Variants in MAPRE3 observed in about 807,000 individuals in gnomAD.
The protein encoded by MAPRE3 is microtubule-associated protein RP/EB family member 3.
MAPRE3 carries 2 observed loss-of-function variants against 30.5 expected under a neutral mutation model. That is an observed-to-expected ratio of 0.07 (90% CI 0.03 to 0.21). MAPRE3 has a LOEUF of 0.21. MAPRE3 is among the 10% of genes least tolerant of loss of function. MAPRE3 has a pLI of 1.00. For synonymous variants in MAPRE3, 110 were observed against 127.7 expected (o/e 0.86, Z 0.93); for missense variants, 204 against 351.8 (o/e 0.58, Z 3.36).
chr2:26,979,475 A>G (rs2148197471), intron 1 of MAPRE3, among the ~76,000 whole-genome samples: 1 of 152,342 alleles, frequency 6.6e-6, no homozygotes, highest in Non-Finnish European at 1.5e-5. Context: ...AGTCCCAGCT[A>G]CTAGGGAAGC....
rs1162090701 is a variant in MAPRE3 at position 27,015,342 on chromosome 2, A to G, written c.-7-6870A>G. Reference sequence around the variant, plus strand: ...TGAGGTGGGAGCTGTCACTGTCCTCACTTTATAGATGAGGACACTGAGACC... The same window carrying G: ...TGAGGTGGGAGCTGTCACTGTCCTCGCTTTATAGATGAGGACACTGAGACC... On this transcript the variant is annotated intron_variant, in intron 1 of 6. Coordinates refer to ENST00000233121, the MANE Select transcript of MAPRE3 (RefSeq NM_012326.4). This position sits in a 1 kb window ranked among gnomAD's most constrained non-coding sequence, Gnocchi z 4.0. 6.6e-6 allele frequency among the ~76,000 whole-genome samples: 1 copy of G among 152,194 alleles called. No homozygotes were observed. The highest frequency in any genetic ancestry group is 2.4e-5 in the African/African-American group (1 of 41,446).
rs779396016 is a variant in MAPRE3, at chr2:27,025,864, C to G, written c.625-16C>G. On this transcript the variant is annotated splice_polypyrimidine_tract_variant and intron_variant, in intron 5 of 6. Transcript: ENST00000233121. ...GTGGGGACCTCTGGCTTGAACATCA[C>G]TTTGTCCCCAAGCAGCTGGTGGACT... The G allele has an allele frequency of 2.5e-6, 4 of 1,613,996 alleles. No individual in the cohort carries two copies. The highest frequency in any genetic ancestry group is 1.7e-5 in the Admixed American group (1 of 59,992).
intron 1 of MAPRE3, among the ~76,000 whole-genome samples, chr2:27,001,228 G>T (rs1016044242): frequency 7.9e-5 from 12 of 152,198 alleles, no homozygotes; most frequent in African/African-American, 2.7e-4. Flanking sequence ...AGATGGTATT[G>T]CCTACTACAT....
intron 1 of MAPRE3, chr2:27,003,093 A>G (rs1028734880): frequency 1.3e-5 from 2 of 152,304 alleles, no homozygotes; most frequent in Admixed American, 1.3e-4. Flanking sequence ...AGTGATCCCT[A>G]TGCATCAACA....
chr2:26,971,576 GTGTGGTGT>G (rs1362212749), intron 1 of MAPRE3, among the ~76,000 whole-genome samples: 22 of 152,170 alleles, frequency 1.4e-4, no homozygotes, highest in African/African-American at 5.3e-4. Context: ...TGCGCTTCCG[GTGTGGTGT>G]TGTGAATAAG....
At chr2:26,995,097 T>C (rs1214191091) in intron 1 of MAPRE3, among the ~76,000 whole-genome samples, 5 of 152,186 alleles carry the variant, frequency 3.3e-5, no homozygotes, top group African/African-American at 4.8e-5. Flanking sequence ...TATTGTATGC[T>C]TTGCTGGCCA....
intron 1 of MAPRE3, 39 bp from the exon 2 acceptor site, chr2:27,022,173 G>T (rs1176544484): frequency 1.2e-6 from 2 of 1,604,066 alleles, no homozygotes; most frequent in African/African-American, 2.7e-5. Flanking sequence ...AGCTACATGA[G>T]GCCCCAGTGC....
At chr2:26,989,254 C>T (rs986533122) in intron 1 of MAPRE3, among the ~76,000 whole-genome samples, 12 of 152,152 alleles carry the variant, frequency 7.9e-5, no homozygotes, top group African/African-American at 1.2e-4. Flanking sequence ...CAGAAACACC[C>T]GCTAGGCTCC....
intron 1 of MAPRE3, among the ~76,000 whole-genome samples, chr2:26,997,941 C>A (rs1473750028): frequency 2.0e-5 from 3 of 152,202 alleles, no homozygotes; most frequent in African/African-American, 7.2e-5. Flanking sequence ...TGGTTCTTGA[C>A]CCCGATAGGG....
chr2:27,001,574 C>G (rs561414149), intron 1 of MAPRE3, among the ~76,000 whole-genome samples: 1 of 152,088 alleles, frequency 6.6e-6, no homozygotes, highest in African/African-American at 2.4e-5. Context: ...GTACGTAGAT[C>G]TAAACATAGA....
At chr2:26,992,226 A>C (rs566835633) in intron 1 of MAPRE3, among the ~76,000 whole-genome samples, 1 of 123,196 alleles carries the variant, frequency 8.1e-6, no homozygotes, top group African/African-American at 2.9e-5. Context: ...ATGTTACCAG[A>C]TAATTTTTTT....
intron 1 of MAPRE3, among the ~76,000 whole-genome samples, chr2:27,006,174 C>T (rs1572760936): frequency 6.6e-6 from 1 of 151,832 alleles, no homozygotes; most frequent in African/African-American, 2.4e-5. Context: ...AGAGCGAGAC[C>T]CCGTCTCAAA....
At chr2:27,023,998 CAGGGGCTGG>C in intron 3 of MAPRE3, 89 bp from the exon 4 acceptor site, 1 of 917,228 alleles carries the variant, frequency 1.1e-6, no homozygotes, top group Non-Finnish European at 1.7e-6. Context: ...CGCTGCAGCC[CAGGGGCTGG>C]CTTTCCTGAG....
intron 1 of MAPRE3, chr2:27,013,796 T>C (rs975038662): frequency 6.6e-6 from 1 of 152,242 alleles, no homozygotes; most frequent in African/African-American, 2.4e-5. Flanking sequence ...GGAAAGAAGA[T>C]GTTGAGTCAG....
intron 1 of MAPRE3, among the ~76,000 whole-genome samples, chr2:26,971,926 C>T (rs1006854671): frequency 6.6e-6 from 1 of 152,268 alleles, no homozygotes; most frequent in Non-Finnish European, 1.5e-5. Context: ...CATATTTGGA[C>T]AATTCCCTGG....
At chr2:27,010,260 C>A (rs986206250) in intron 1 of MAPRE3, among the ~76,000 whole-genome samples, 1 of 152,112 alleles carries the variant, frequency 6.6e-6, no homozygotes, top group African/African-American at 2.4e-5. Context: ...AAACACATTT[C>A]TTATCTTGCT....
At chr2:27,016,929 C>T (rs1667002082) in intron 1 of MAPRE3, among the ~76,000 whole-genome samples, 1 of 152,042 alleles carries the variant, frequency 6.6e-6, no homozygotes, top group Non-Finnish European at 1.5e-5. Flanking sequence ...CCAGGCCCCT[C>T]AGCCAGCCCA....
intron 4 of MAPRE3, 34 bp downstream of exon 4, chr2:27,024,331 G>C: frequency 6.3e-7 from 1 of 1,595,112 alleles, no homozygotes; most frequent in South Asian, 1.1e-5. Context: ...GGAGCGTGGG[G>C]GGCCGGGCCG....
chr2:26,994,237 C>T (rs1227538775), intron 1 of MAPRE3, among the ~76,000 whole-genome samples: 1 of 152,158 alleles, frequency 6.6e-6, no homozygotes, highest in Non-Finnish European at 1.5e-5. Flanking sequence ...CATTTATTTG[C>T]TTAGGCACAT....
Sources: gnomAD v4.1 joint callset for allele counts (sites outside exome capture counted in the v4.1 genomes callset) on GRCh38, gnomAD v4.1.1 for gene constraint, Gnocchi (gnomAD v3.1) non-coding constraint, MANE v1.5 for transcripts, NCBI Gene and HGNC (gene_info 2026-07-23, HGNC 2026-07-21) for gene names.